HIVEP3: variants seen among roughly 807,000 people sequenced by gnomAD.
HIVEP3 encodes the protein HIVEP zinc finger 3.
Under a neutral mutation model 152.8 loss-of-function variants are expected in HIVEP3, and 49 were observed. The observed-to-expected ratio is 0.32, with a 90% CI of 0.26 to 0.41. HIVEP3 has a LOEUF of 0.41. HIVEP3 is among the 10% of genes least tolerant of loss of function. HIVEP3 has a pLI of 1.00. For synonymous variants in HIVEP3, 1,269 were observed against 1,289.0 expected (o/e 0.98, Z 0.33); for missense variants, 2,790 against 3,103.3 (o/e 0.90, Z 2.40).
At chr1:41,991,188 C>T (rs1645358427) in intron 1 of HIVEP3, among the ~76,000 whole-genome samples, 2 of 152,024 alleles carry the variant, frequency 1.3e-5, no homozygotes, top group Admixed American at 1.3e-4. Flanking sequence ...ACAAAAAACC[C>T]TTCAAAAAAT....
At chr1:41,669,309 G>A (rs1264858992) in intron 2 of HIVEP3, among the ~76,000 whole-genome samples, 1 of 152,110 alleles carries the variant, frequency 6.6e-6, no homozygotes. Context: ...GCAGGCCTGT[G>A]AATTTGGTGG....
intron 1 of HIVEP3, among the ~76,000 whole-genome samples, chr1:41,910,562 T>G (rs932307998): frequency 2.5e-4 from 38 of 151,774 alleles, no homozygotes; most frequent in African/African-American, 9.2e-4. Context: ...GAAGTGCAAA[T>G]TACAGTACAA....
At chr1:41,974,323 T>A (rs1374470121) in intron 1 of HIVEP3, among the ~76,000 whole-genome samples, 1 of 152,084 alleles carries the variant, frequency 6.6e-6, no homozygotes, top group Non-Finnish European at 1.5e-5. Context: ...GTGCCCATCC[T>A]AGGAGCAGTT....
chr1:41,769,744 T>C lies in HIVEP3; in HGVS notation c.-800-68749A>G, dbSNP rs55997438. Among the ~76,000 whole-genome samples, 171 of 152,320 alleles carry C rather than the reference T, an allele frequency of 1.1e-3. 3 individuals are homozygous for C. The highest frequency in any genetic ancestry group is 3.7e-3 in the African/African-American group (152 of 41,572). On this transcript the variant is annotated intron_variant, in intron 1 of 8. Transcript: ENST00000372583. ...CAAAATAAACAACAATAGCATTGTATTATGACTCAAAGAATAAAAATCTTT... is the reference window on the plus strand; with the variant it reads ...CAAAATAAACAACAATAGCATTGTACTATGACTCAAAGAATAAAAATCTTT...
intron 5 of HIVEP3, among the ~76,000 whole-genome samples, chr1:41,527,224 TCACCCTCACACACTCACCTCACACACA>T (rs1642994120): frequency 7.3e-5 from 3 of 41,076 alleles, no homozygotes; most frequent in Non-Finnish European, 1.0e-4. Flanking sequence ...CCTCACACAC[TCACCCTCACACACTCACCTCACACACA>T]CACACCCTCA....
Position 41,647,640 on chromosome 1 carries a change from G to T in HIVEP3, c.-720-18693C>A, listed in dbSNP as rs564063824. On this transcript the variant is annotated intron_variant, in intron 2 of 8. Transcript: ENST00000372583. ...TGGGGAACACTCCTCCTGCAGCCTG[G>T]CTCCAGCAGGGGGAACATAGGGATC... Among the ~76,000 whole-genome samples the T allele has an allele frequency of 1.8e-4, 28 of 152,334 alleles. No individual in the cohort carries two copies. In the South Asian group the frequency reaches 5.6e-3, roughly 30 times the overall value.
At chr1:41,527,121 TCCTCACACACAC>T (rs1343846302) in intron 5 of HIVEP3, among the ~76,000 whole-genome samples, 2 of 38,418 alleles carry the variant, frequency 5.2e-5, no homozygotes, top group Non-Finnish European at 1.1e-4. Flanking sequence ...CACACCCTCT[TCCTCACACACAC>T]CCTCACACAC....
rs1330271918 is a variant in HIVEP3 at position 41,582,773 on chromosome 1, G to T, written c.2025C>A (p.Ile675=). The T allele has an allele frequency of 1.2e-6, 2 of 1,614,110 alleles. No homozygotes were observed. Among genetic ancestry groups the T allele is most frequent in the Middle Eastern group, 1.6e-4 (1 of 6,084 alleles). Residue 675 remains isoleucine, a synonymous_variant, in exon 4 of 9, where the codon ATC becomes ATA. Transcript: ENST00000372583. The surrounding 1 kb of genome is among the most constrained non-coding windows in gnomAD (Gnocchi z 4.7). The part of the protein sequence containing the change: ...YCSELQIAKP[I]SAGTHTSPEA... ...CTGGAGATGTGTGGGTGCCTGCAGA[G>T]ATGGGCTTTGCGATCTGAAGCTCTG...
chr1:42,019,718 CTTTCTA>C (rs1645543376), intron 1 of HIVEP3, among the ~76,000 whole-genome samples: 1 of 151,848 alleles, frequency 6.6e-6, no homozygotes, highest in Non-Finnish European at 1.5e-5. Context: ...AAACCATATA[CTTTCTA>C]TTTCTTTCTC....
In HIVEP3 at chr1:41,529,764, ACT is replaced by A. The variant is rs757044589; in HGVS notation, c.5208-4856_5208-4855del. The stretch of plus-strand genomic sequence containing the variant: ...CACAACCATCCACACACACCCCCAG[ACT>A]CACTTCCACATCCCCACACACTCAT... On this transcript the variant is annotated intron_variant, in intron 5 of 8. Transcript: ENST00000372583. Among the ~76,000 whole-genome samples, 400 of 137,340 alleles carry A rather than the reference ACT, an allele frequency of 2.9e-3. 1 individual carries two copies. Among genetic ancestry groups the A allele is most frequent in the Non-Finnish European group, 5.4e-3 (344 of 63,704 alleles). The allele number at this position is 137,340 out of a possible 152,430, so 90.1% of individuals were successfully genotyped here.
chr1:41,985,343 G>C (rs1174225860), intron 1 of HIVEP3, among the ~76,000 whole-genome samples: 1 of 152,200 alleles, frequency 6.6e-6, no homozygotes, highest in Non-Finnish European at 1.5e-5. Context: ...AATTGCCAGA[G>C]ACTGGGTGGC....
intron 1 of HIVEP3, among the ~76,000 whole-genome samples, chr1:41,765,372 C>T (rs1384368153): frequency 6.6e-6 from 1 of 152,136 alleles, no homozygotes; most frequent in Non-Finnish European, 1.5e-5. Context: ...TCTACCCAGG[C>T]TCGTCTGATG....
chr1:41,941,228 C>A (rs1645044316), intron 1 of HIVEP3, among the ~76,000 whole-genome samples: 1 of 152,144 alleles, frequency 6.6e-6, no homozygotes, highest in African/African-American at 2.4e-5. Flanking sequence ...TAGAGTAGGG[C>A]AAGCAGTCAA....
intron 1 of HIVEP3, among the ~76,000 whole-genome samples, chr1:41,808,678 A>G (rs1476815562): frequency 6.6e-6 from 1 of 152,220 alleles, no homozygotes; most frequent in African/African-American, 2.4e-5. Flanking sequence ...TGAAATTCCA[A>G]ATCACTTAGT....
At chr1:41,971,462 G>C (rs1163558338) in intron 1 of HIVEP3, among the ~76,000 whole-genome samples, 3 of 152,040 alleles carry the variant, frequency 2.0e-5, no homozygotes, top group African/African-American at 7.2e-5. Flanking sequence ...GAGCTGATCT[G>C]GTGCCCCCCA....
intron 1 of HIVEP3, among the ~76,000 whole-genome samples, chr1:42,003,167 C>T (rs1248271308): frequency 6.6e-6 from 1 of 152,044 alleles, no homozygotes; most frequent in African/African-American, 2.4e-5. Context: ...CCTCCACCTC[C>T]CAGGTTCAAG....
At chr1:41,766,410 C>T (rs1318981369) in intron 1 of HIVEP3, among the ~76,000 whole-genome samples, 1 of 152,184 alleles carries the variant, frequency 6.6e-6, no homozygotes, top group Non-Finnish European at 1.5e-5. Flanking sequence ...GATTTAAAAG[C>T]TTTGGGCAGT....
At chr1:41,579,689 A>G (rs1376316317) in intron 4 of HIVEP3, 48 bp downstream of exon 4, 2 of 1,510,960 alleles carry the variant, frequency 1.3e-6, no homozygotes, top group Non-Finnish European at 1.8e-6. Context: ...AAGCTCGCCA[A>G]GTGCTTTTGC....
At chr1:41,600,527 G>A (rs1644730891) in intron 3 of HIVEP3, among the ~76,000 whole-genome samples, 1 of 152,180 alleles carries the variant, frequency 6.6e-6, no homozygotes, top group African/African-American at 2.4e-5. Context: ...GAGACAGAAA[G>A]TCAACTGGTG....
Sources: gnomAD v4.1 joint callset for allele counts (sites outside exome capture counted in the v4.1 genomes callset) on GRCh38, gnomAD v4.1.1 for gene constraint, Gnocchi (gnomAD v3.1) non-coding constraint, MANE v1.5 for transcripts, NCBI Gene and HGNC (gene_info 2026-07-23, HGNC 2026-07-21) for gene names.